Variants in CFAP47 observed in about 807,000 individuals in gnomAD.
CFAP47 encodes the protein cilia and flagella associated protein 47.
A neutral mutation model predicts 148.1 loss-of-function variants in CFAP47; 29 were observed. That is an observed-to-expected ratio of 0.20 (90% CI 0.15 to 0.27). CFAP47 has a LOEUF of 0.27. Ranked by LOEUF, CFAP47 falls within the 10% of genes least tolerant of loss-of-function variation. CFAP47 has a pLI of 1.00. For missense variants in CFAP47, 1,872 were observed against 1,697.5 expected (o/e 1.10, Z -1.81); for synonymous variants, 664 against 577.3 (o/e 1.15, Z -2.15).
chrX:36,251,405 C>A lies in CFAP47; in HGVS notation c.7405C>A (p.Leu2469Met), dbSNP rs1555998219. Residue 2469 changes from leucine (L) to methionine (M), a missense_variant, in exon 49 of 64, where the codon CTG (leucine) becomes ATG (methionine). Physicochemically the swap from Leu to Met is conservative, Grantham distance 15 (BLOSUM62 2). Transcript: ENST00000378653. ...TVYPYKEILYLIHVRPWKRGI... is the reference protein window; with the variant it reads ...TVYPYKEILYMIHVRPWKRGI... ...ATACCCTTATAAAGAAATTCTGTAC[C>A]TGATTCATGTGCGCCCTTGGAAACG... 2.0e-6 allele frequency: 1 copy of A among 507,293 alleles called. No homozygotes were observed. The highest frequency in any genetic ancestry group is 3.5e-6 in the Non-Finnish European group (1 of 282,911). The allele number at this position is 507,293 out of a possible 1,213,427, so 41.8% of individuals were successfully genotyped here.
intron 28 of CFAP47, among the ~76,000 whole-genome samples, chrX:36,072,769 A>C (rs2146761973): frequency 9.0e-6 from 1 of 111,617 alleles, no homozygotes; most frequent in Admixed American, 9.6e-5. Flanking sequence ...TCTTTGTATA[A>C]TTTTTTCAGA....
At chrX:36,226,802 G>C (rs1384770556) in intron 45 of CFAP47, among the ~76,000 whole-genome samples, 3 of 111,139 alleles carry the variant, frequency 2.7e-5, no homozygotes, top group African/African-American at 9.8e-5. Context: ...TAAAGCTTTT[G>C]ACAGAAATTT....
At chrX:36,012,499 G>A (rs1318082079) in intron 21 of CFAP47, among the ~76,000 whole-genome samples, 3 of 111,967 alleles carry the variant, frequency 2.7e-5, no homozygotes, top group Non-Finnish European at 5.6e-5. Flanking sequence ...AAAAGGATGA[G>A]AGCATGCCCT....
intron 33 of CFAP47, among the ~76,000 whole-genome samples, chrX:36,115,091 G>A (rs1055888301): frequency 1.8e-5 from 2 of 111,487 alleles, no homozygotes; most frequent in African/African-American, 6.5e-5. Flanking sequence ...ATAGACATCA[G>A]CTCTTCTAGG....
intron 49 of CFAP47, among the ~76,000 whole-genome samples, chrX:36,278,944 T>A (rs1331404610): frequency 8.9e-6 from 1 of 111,990 alleles, no homozygotes; most frequent in Non-Finnish European, 1.9e-5. Context: ...GGACTTTTGG[T>A]CACCTGCCTA....
intron 13 of CFAP47, among the ~76,000 whole-genome samples, chrX:35,973,275 T>C (rs1936520352): frequency 9.0e-6 from 1 of 111,017 alleles, no homozygotes; most frequent in Admixed American, 9.6e-5. Flanking sequence ...CTTCAAGCTC[T>C]GCCTCCCGGG....
chrX:36,036,840 C>T (rs1333040673), intron 24 of CFAP47, among the ~76,000 whole-genome samples: 1 of 111,471 alleles, frequency 9.0e-6, no homozygotes, highest in Non-Finnish European at 1.9e-5. Flanking sequence ...CAATAATATT[C>T]TATTAGCACT....
intron 30 of CFAP47, among the ~76,000 whole-genome samples, chrX:36,091,422 C>T (rs745871025): frequency 9.0e-6 from 1 of 111,280 alleles, no homozygotes; most frequent in African/African-American, 3.3e-5. Context: ...TTTTGTTTTA[C>T]TCTAGAGGAT....
chrX:36,061,669 G>C (rs1937594873), intron 26 of CFAP47, among the ~76,000 whole-genome samples: 1 of 112,272 alleles, frequency 8.9e-6, no homozygotes, highest in African/African-American at 3.2e-5. Context: ...ATTGTAAATA[G>C]GTATGGATAA....
chrX:36,277,648 T>G (rs1941032099), intron 49 of CFAP47, among the ~76,000 whole-genome samples: 1 of 112,561 alleles, frequency 8.9e-6, no homozygotes, highest in Non-Finnish European at 1.9e-5. Flanking sequence ...CTTTACTATG[T>G]AGAATGTGTT....
At chrX:36,198,214 G>A (rs1471478560) in intron 42 of CFAP47, among the ~76,000 whole-genome samples, 1 of 111,320 alleles carries the variant, frequency 9.0e-6, no homozygotes, top group Non-Finnish European at 1.9e-5. Context: ...GGAGGCATAA[G>A]ACATCAATCA....
At position 36,190,076 on chromosome X, in the gene CFAP47, G is replaced by T; in HGVS notation, c.6201G>T (p.Glu2067Asp). The change falls in exon 42 of 64, where the codon GAG (glutamate) becomes GAT (aspartate). Residue 2067 changes from glutamate to aspartate, a missense_variant. Glu to Asp is a conservative substitution (Grantham distance 45, BLOSUM62 2). Coordinates refer to ENST00000378653, the MANE Select transcript of CFAP47 (RefSeq NM_001304548.2). ...HTSIKSTFIREFFCSMHTVHL... is the reference protein window; with the variant it reads ...HTSIKSTFIRDFFCSMHTVHL... ...CAATTAAGTCCACTTTTATCAGAGA[G>T]TTCTTCTGCTCCATGCATACTGTTC... 3.4e-6 allele frequency: 1 copy of T among 297,903 alleles called. No homozygotes were observed. The highest frequency in any genetic ancestry group is 5.9e-6 in the Non-Finnish European group (1 of 170,197). The allele number at this position is 297,903 out of a possible 1,213,427, so 24.6% of individuals were successfully genotyped here.
chrX:36,091,397 C>G (rs1320867862), intron 30 of CFAP47, among the ~76,000 whole-genome samples: 1 of 111,164 alleles, frequency 9.0e-6, no homozygotes, highest in Admixed American at 9.6e-5. Flanking sequence ...TCTTCATATG[C>G]CTCTGAGTTG....
intron 33 of CFAP47, among the ~76,000 whole-genome samples, chrX:36,133,312 G>A (rs962501786): frequency 2.7e-5 from 3 of 111,025 alleles, no homozygotes; most frequent in African/African-American, 9.8e-5. Flanking sequence ...ATCTGTCTTA[G>A]TCCATTTAGT....
chrX:35,943,533 C>A (rs1936042034), intron 3 of CFAP47, among the ~76,000 whole-genome samples: 3 of 111,208 alleles, frequency 2.7e-5, no homozygotes, highest in Non-Finnish European at 5.7e-5. Flanking sequence ...ACTTTTGTTT[C>A]CTCATCCTTT....
intron 36 of CFAP47, among the ~76,000 whole-genome samples, chrX:36,148,769 T>C (rs1939269009): frequency 8.9e-6 from 1 of 112,125 alleles, no homozygotes; most frequent in Non-Finnish European, 1.9e-5. Flanking sequence ...CCAGTGGTTT[T>C]CCTTTGCAAT....
At chrX:36,365,983 A>G (rs782260186) in intron 61 of CFAP47, among the ~76,000 whole-genome samples, 1 of 111,203 alleles carries the variant, frequency 9.0e-6, no homozygotes, top group Non-Finnish European at 1.9e-5. Flanking sequence ...AGAATGATTT[A>G]TATTCCTTTT....
intron 49 of CFAP47, among the ~76,000 whole-genome samples, chrX:36,263,588 C>G (rs1556000541): frequency 8.9e-6 from 1 of 112,087 alleles, no homozygotes. Context: ...ATGAGGAATA[C>G]TGCCAAATGA....
At chrX:36,243,450 A>C (rs1428053519) in intron 48 of CFAP47, among the ~76,000 whole-genome samples, 1 of 109,075 alleles carries the variant, frequency 9.2e-6, no homozygotes, top group East Asian at 2.9e-4. Context: ...CTCACATGTA[A>C]CAATACCCAC....
Sources: gnomAD v4.1 joint callset for allele counts (sites outside exome capture counted in the v4.1 genomes callset) on GRCh38, gnomAD v4.1.1 for gene constraint, MANE v1.5 for transcripts, NCBI Gene and HGNC (gene_info 2026-07-23, HGNC 2026-07-21) for gene names.